Variants in PHF24 observed in about 807,000 individuals in gnomAD.
PHF24 encodes the protein Galpha inhibitory interacting protein.
Under a neutral mutation model 42.6 loss-of-function variants are expected in PHF24, and 25 were observed. That is an observed-to-expected ratio of 0.59 (90% CI 0.43 to 0.82). The LOEUF is 0.82. Among genes scored for constraint, PHF24 ranks in the 40% least tolerant of loss-of-function variants. The probability of loss-of-function intolerance (pLI) is 0.00; values close to 1 mark genes in which losing one functional copy is unlikely to be tolerated. For synonymous variants in PHF24, 185 were observed against 204.8 expected, an observed-to-expected ratio of 0.90 and a Z score of 0.83; for missense variants, 470 against 538.1, an observed-to-expected ratio of 0.87 and a Z score of 1.25.
At chr9:34,811,481 C>G in the PHF24 span, among the ~76,000 whole-genome samples, 2 of 152,252 alleles carry the variant, frequency 1.3e-5, no homozygotes, top group Non-Finnish European at 1.5e-5. Context: ...TTCTCACGTG[C>G]TCTCTTGCCC....
chr9:34,743,591 T>G, the PHF24 span, among the ~76,000 whole-genome samples: 2 of 152,234 alleles, frequency 1.3e-5, no homozygotes, highest in African/African-American at 4.8e-5. Context: ...TTAGCCACCA[T>G]TATAATTTCA....
chr9:34,751,836 A>G, the PHF24 span, among the ~76,000 whole-genome samples: 2 of 152,338 alleles, frequency 1.3e-5, no homozygotes, highest in East Asian at 3.8e-4. Flanking sequence ...AAAAAATTGA[A>G]ATAATATCAA....
the PHF24 span, among the ~76,000 whole-genome samples, chr9:34,875,928 A>ACT: frequency 2.8e-5 from 2 of 72,236 alleles, no homozygotes; most frequent in African/African-American, 1.1e-4. Flanking sequence ...ACACACACAC[A>ACT]CACACACACA....
the PHF24 span, among the ~76,000 whole-genome samples, chr9:34,878,536 G>A: frequency 6.6e-6 from 1 of 152,182 alleles, no homozygotes; most frequent in Non-Finnish European, 1.5e-5. Context: ...CTTTTCCAAT[G>A]GTCTTCGCAA....
chr9:34,849,179 C>A, the PHF24 span, among the ~76,000 whole-genome samples: 1 of 152,184 alleles, frequency 6.6e-6, no homozygotes, highest in South Asian at 2.1e-4. Context: ...TCTCGTTGAT[C>A]TGTCTAATGT....
the PHF24 span, among the ~76,000 whole-genome samples, chr9:34,802,237 T>G: frequency 1.3e-5 from 2 of 152,196 alleles, no homozygotes; most frequent in South Asian, 4.1e-4. Flanking sequence ...CCACTCCATG[T>G]GGTTCTCATT....
the PHF24 span, among the ~76,000 whole-genome samples, chr9:34,942,305 T>A: frequency 6.6e-6 from 1 of 152,156 alleles, no homozygotes; most frequent in Non-Finnish European, 1.5e-5. Context: ...CCCAAAGAAG[T>A]CTGCTGGCAC....
At chr9:34,775,244 C>T in the PHF24 span, among the ~76,000 whole-genome samples, 361 of 152,236 alleles carry the variant, frequency 2.4e-3, no homozygotes, top group African/African-American at 8.4e-3. Flanking sequence ...CATGCTACAA[C>T]ATGGATGAAC....
the PHF24 span, among the ~76,000 whole-genome samples, chr9:34,782,892 G>T: frequency 6.6e-6 from 1 of 152,136 alleles, no homozygotes; most frequent in African/African-American, 2.4e-5. Context: ...CAAGCACCAG[G>T]CATCAGAAAA....
the PHF24 span, among the ~76,000 whole-genome samples, chr9:34,711,644 G>A: frequency 6.6e-5 from 10 of 151,642 alleles, no homozygotes; most frequent in African/African-American, 2.2e-4. Context: ...CCGGGTTCAA[G>A]CCATTCTCCT....
chr9:34,922,188 T>C, the PHF24 span: 1 of 1,587,950 alleles, frequency 6.3e-7, no homozygotes, highest in South Asian at 1.1e-5. Context: ...GGCCGGTTAA[T>C]TTTCCCCTCC....
the PHF24 span, among the ~76,000 whole-genome samples, chr9:34,867,714 T>A: frequency 6.6e-6 from 1 of 152,204 alleles, no homozygotes; most frequent in Non-Finnish European, 1.5e-5. Flanking sequence ...TCTGTACTTT[T>A]TATAGACCCT....
At chr9:34,937,349 C>G in the PHF24 span, among the ~76,000 whole-genome samples, 1 of 152,042 alleles carries the variant, frequency 6.6e-6, no homozygotes, top group African/African-American at 2.4e-5. Flanking sequence ...GTGACCTTAC[C>G]CCCAACCCTG....
the PHF24 span, among the ~76,000 whole-genome samples, chr9:34,682,720 C>G: frequency 6.6e-6 from 1 of 152,300 alleles, no homozygotes; most frequent in East Asian, 1.9e-4. Flanking sequence ...TCCCAGCCCC[C>G]TCTGCACTAG....
At chr9:34,736,751 T>G in the PHF24 span, among the ~76,000 whole-genome samples, 1 of 152,086 alleles carries the variant, frequency 6.6e-6, no homozygotes, top group African/African-American at 2.4e-5. Context: ...AAAGGCAGCT[T>G]GAGAAAAAAG....
the PHF24 span, among the ~76,000 whole-genome samples, chr9:34,712,285 G>T: frequency 6.6e-6 from 1 of 151,850 alleles, no homozygotes; most frequent in African/African-American, 2.4e-5. Context: ...GTGGATCTCT[G>T]AGTTTATCCT....
At chr9:34,821,717 A>G in the PHF24 span, among the ~76,000 whole-genome samples, 1 of 152,196 alleles carries the variant, frequency 6.6e-6, no homozygotes, top group Non-Finnish European at 1.5e-5. Flanking sequence ...CAGAACTGAC[A>G]TGAATTTTGC....
chr9:34,728,546 G>A, the PHF24 span: 2 of 1,497,918 alleles, frequency 1.3e-6, no homozygotes, highest in Non-Finnish European at 1.8e-6. Context: ...AGGTCACAGA[G>A]GGACAGGATT....
At chr9:34,886,848 A>ATCTATCTG in the PHF24 span, among the ~76,000 whole-genome samples, 1 of 151,404 alleles carries the variant, frequency 6.6e-6, no homozygotes, top group African/African-American at 2.4e-5. Flanking sequence ...CTATCTATCT[A>ATCTATCTG]TCTATCTATC....
Sources: allele counts gnomAD v4.1 joint callset (sites outside exome capture counted in the v4.1 genomes callset), GRCh38; gene constraint gnomAD v4.1.1; transcripts MANE v1.5; gene names NCBI Gene and HGNC (gene_info 2026-07-23, HGNC 2026-07-21).